The following VPS41 variants were observed in gnomAD, a reference collection of about 807,000 sequenced individuals.
The protein encoded by VPS41 is vacuolar protein sorting-associated protein 41 homolog.
A neutral mutation model predicts 130.9 loss-of-function variants in VPS41; 85 were observed. That is an observed-to-expected ratio of 0.65 (90% confidence interval 0.55 to 0.78). VPS41 has a LOEUF of 0.78. VPS41 is among the 30% of genes least tolerant of loss of function. The probability of loss-of-function intolerance (pLI) is 0.00; values close to 1 mark genes in which losing one functional copy is unlikely to be tolerated. For synonymous variants in VPS41, 335 were observed against 332.9 expected (o/e 1.01, Z -0.07); for missense variants, 874 against 1,018.7 (o/e 0.86, Z 1.93).
rs534296401 is a variant in VPS41 at position 38,767,651 on chromosome 7, G to C, written c.1186-53C>G. Reference sequence around the variant, plus strand: ...AAAATTTAACTGAAACAACTGAAAAGTTGAGTCTCGGTTTCTGCACAGGGC... The same window carrying C: ...AAAATTTAACTGAAACAACTGAAAACTTGAGTCTCGGTTTCTGCACAGGGC... On this transcript the variant is annotated intron_variant, in intron 14 of 28. Coordinates refer to ENST00000310301, the MANE Select transcript of VPS41 (RefSeq NM_014396.4). The C allele has an allele frequency of 5.0e-6, 7 of 1,403,584 alleles. No homozygotes were observed. The East Asian group carries it at 1.6e-4, about 33-fold the overall frequency. 86.9% of individuals were successfully genotyped at this position (1,403,584 alleles called of 1,614,324 possible).
At position 38,781,260 on chromosome 7, in the gene VPS41, G is replaced by A. The variant is rs532994386; in HGVS notation, c.785-4484C>T. Reference sequence around the variant, plus strand: ...TGAGATATTTTACCTTTTATTTCTAGACTGTCTTTGGAATTCTGTATGTAG... The same window carrying A: ...TGAGATATTTTACCTTTTATTTCTAAACTGTCTTTGGAATTCTGTATGTAG... On this transcript the variant is annotated intron_variant, in intron 10 of 28. Transcript: ENST00000310301. Among the ~76,000 whole-genome samples the A allele has an allele frequency of 1.4e-4, 22 of 152,172 alleles. No homozygotes were observed. The South Asian group carries it at 4.4e-3, about 30-fold the overall frequency.
At chr7:38,752,017 C>T (rs1398238007) in intron 22 of VPS41, among the ~76,000 whole-genome samples, 159 bp downstream of exon 22, 1 of 152,218 alleles carries the variant, frequency 6.6e-6, no homozygotes, top group Non-Finnish European at 1.5e-5. Context: ...CTTTTCTTGA[C>T]AGAATGTCCC....
At chr7:38,818,249 CAAAA>C (rs11421525) in intron 6 of VPS41, among the ~76,000 whole-genome samples, 1 of 130,364 alleles carries the variant, frequency 7.7e-6, no homozygotes, top group East Asian at 2.5e-4. Flanking sequence ...GAAAACAAAA[CAAAA>C]AAAAAAAAAC....
Position 38,728,417 on chromosome 7 carries a change from T to A in VPS41, c.2404+125A>T. ...TGAGCAGGATGGAAGCCACAACACT[T>A]CTCTCCACTGGGTTATTCTGAAAGT... On this transcript the variant is annotated intron_variant, in intron 27 of 28. Coordinates refer to ENST00000310301, the MANE Select transcript of VPS41 (RefSeq NM_014396.4). 2.8e-6 allele frequency: 3 copies of A among 1,082,730 alleles called. 1 individual carries two copies. The South Asian group carries it at 3.8e-5, about 14-fold the overall frequency. The allele number at this position is 1,082,730 out of a possible 1,614,324, so 67.1% of individuals were successfully genotyped here.
chr7:38,766,294 C>T (rs1784041731), intron 15 of VPS41, among the ~76,000 whole-genome samples: 1 of 152,162 alleles, frequency 6.6e-6, no homozygotes, highest in African/African-American at 2.4e-5. Flanking sequence ...ACTTGCACAC[C>T]ACTACATAAC....
At position 38,796,502 on chromosome 7, in the gene VPS41, C is replaced by T. The variant is rs745712830; in HGVS notation, c.570+243G>A. ...AGATAGCTTTTCATTTTCTTGGCTA[C>T]TCTCCATGCCTCAGGTTTCTTACTC... On this transcript the variant is annotated intron_variant, in intron 8 of 28. Transcript: ENST00000310301. 4.4e-5 allele frequency: 27 copies of T among 612,192 alleles called. 1 individual carries two copies. In the Middle Eastern group the frequency reaches 1.0e-3, roughly 23 times the overall value. The allele number at this position is 612,192 out of a possible 1,614,324, so 37.9% of individuals were successfully genotyped here.
At chr7:38,755,989 GAC>G (rs1215174397) in intron 19 of VPS41, among the ~76,000 whole-genome samples, 1 of 152,102 alleles carries the variant, frequency 6.6e-6, no homozygotes, top group Admixed American at 6.6e-5. Flanking sequence ...TTGAGAAAAA[GAC>G]GTAGCTCTAG....
At chr7:38,886,570 G>A (rs1278104704) in intron 2 of VPS41, among the ~76,000 whole-genome samples, 1 of 150,354 alleles carries the variant, frequency 6.7e-6, no homozygotes, top group Non-Finnish European at 1.5e-5. Flanking sequence ...TGCCTTTCTA[G>A]GTTCCACCTC....
chr7:38,796,175 G>T (rs1017217353), intron 8 of VPS41, among the ~76,000 whole-genome samples: 1 of 152,178 alleles, frequency 6.6e-6, no homozygotes, highest in African/African-American at 2.4e-5. Context: ...AAACTGAATA[G>T]AACCGATTTA....
At chr7:38,798,979 G>A (rs1226943502) in intron 7 of VPS41, among the ~76,000 whole-genome samples, 1 of 152,056 alleles carries the variant, frequency 6.6e-6, no homozygotes, top group Non-Finnish European at 1.5e-5. Flanking sequence ...GCAGGTACTA[G>A]AATGCCACAA....
chr7:38,801,261 C>G (rs1283652544), intron 7 of VPS41, among the ~76,000 whole-genome samples: 1 of 152,200 alleles, frequency 6.6e-6, no homozygotes, highest in Non-Finnish European at 1.5e-5. Context: ...AAAGAAGCTT[C>G]TCCCAATGAC....
rs567382580 is a variant in VPS41 at position 38,906,056 on chromosome 7, G to T, written c.21+3098C>A. ...GGTGATCCACCCGCCTCAGCCTCCCGAAGTGCTGGGATTACAGGCATGAGC... is the reference window on the plus strand; with the variant it reads ...GGTGATCCACCCGCCTCAGCCTCCCTAAGTGCTGGGATTACAGGCATGAGC... On this transcript the variant is annotated intron_variant, in intron 1 of 28. Coordinates refer to ENST00000310301, the MANE Select transcript of VPS41 (RefSeq NM_014396.4). Among the ~76,000 whole-genome samples, 69 of 151,912 alleles carry T rather than the reference G, an allele frequency of 4.5e-4. 2 individuals carry two copies. In the South Asian group the frequency reaches 0.014, roughly 32 times the overall value.
At chr7:38,894,848 TCTC>T (rs1314367553) in intron 2 of VPS41, among the ~76,000 whole-genome samples, 5 of 152,192 alleles carry the variant, frequency 3.3e-5, no homozygotes, top group South Asian at 2.1e-4. Flanking sequence ...GGAACCCCTT[TCTC>T]CTCCTCATCA....
At chr7:38,761,715 T>C (rs1783925971) in intron 17 of VPS41, among the ~76,000 whole-genome samples, 1 of 152,056 alleles carries the variant, frequency 6.6e-6, no homozygotes, top group Non-Finnish European at 1.5e-5. Flanking sequence ...CTCAGCCTCC[T>C]GAATAGCTGA....
intron 4 of VPS41, 116 bp downstream of exon 4, chr7:38,862,425 CTGAT>C: frequency 1.7e-6 from 1 of 583,314 alleles, no homozygotes; most frequent in Non-Finnish European, 2.9e-6. Flanking sequence ...TCTTAGCACT[CTGAT>C]TGAATTAATA....
rs1299848114 is a variant in VPS41, at chr7:38,732,748, T to C, written c.2260-3957A>G. Among the ~76,000 whole-genome samples, 2 of 152,232 alleles carry C rather than the reference T, an allele frequency of 1.3e-5. 1 individual carries two copies. The highest frequency in any genetic ancestry group is 3.8e-4 in the East Asian group (2 of 5,208). ...GTATTAGGGTTACACTAGCATTCCA[T>C]AAGGAACTGAGGAACTTTTCCATTC... On this transcript the variant is annotated intron_variant, in intron 25 of 28. Transcript: ENST00000310301.
At chr7:38,889,952 G>C (rs1480994598) in intron 2 of VPS41, among the ~76,000 whole-genome samples, 1 of 152,144 alleles carries the variant, frequency 6.6e-6, no homozygotes, top group East Asian at 1.9e-4. Flanking sequence ...ATGGAAGTAA[G>C]GTTTCTACAC....
chr7:38,797,352 T>A (rs904171336), intron 7 of VPS41, among the ~76,000 whole-genome samples: 1 of 152,176 alleles, frequency 6.6e-6, no homozygotes, highest in African/African-American at 2.4e-5. Flanking sequence ...CAGTAATTCA[T>A]GTCACAAAAT....
chr7:38,794,761 T>C (rs959469813), intron 9 of VPS41, among the ~76,000 whole-genome samples: 3 of 152,332 alleles, frequency 2.0e-5, no homozygotes, highest in East Asian at 1.9e-4. Context: ...ATGCCATTTT[T>C]ATACTTCCAC....
Sources: gnomAD v4.1 joint callset for allele counts (sites outside exome capture counted in the v4.1 genomes callset) on GRCh38, gnomAD v4.1.1 for gene constraint, MANE v1.5 for transcripts, NCBI Gene and HGNC (gene_info 2026-07-23, HGNC 2026-07-21) for gene names.